CSMD3: variants seen among roughly 807,000 people sequenced by gnomAD.
CSMD3 encodes CUB and sushi domain-containing protein 3.
CSMD3 carries 177 observed loss-of-function variants against 435.2 expected under a neutral mutation model. The ratio of observed to expected loss-of-function variants is 0.41; its 90% CI spans 0.36 to 0.46. CSMD3 has a LOEUF of 0.46. Ranked by LOEUF, CSMD3 falls within the 20% of genes least tolerant of loss-of-function variation. The pLI, the probability that CSMD3 is intolerant of heterozygous loss-of-function variation, is 0.34. For missense variants in CSMD3, 4,265 were observed against 4,504.6 expected (o/e 0.95, Z 1.52); for synonymous variants, 1,656 against 1,520.5 (o/e 1.09, Z -2.07).
At chr8:113,024,152 T>C (rs2086787804) in intron 5 of CSMD3, among the ~76,000 whole-genome samples, 1 of 152,110 alleles carries the variant, frequency 6.6e-6, no homozygotes, top group Non-Finnish European at 1.5e-5. Flanking sequence ...ATTCTGAATA[T>C]GGGTGAGAAC....
intron 28 of CSMD3, among the ~76,000 whole-genome samples, chr8:112,507,636 A>C (rs1822672768): frequency 6.6e-6 from 1 of 152,214 alleles, no homozygotes; most frequent in Admixed American, 6.6e-5. Context: ...GTTTTCTGAG[A>C]TAAATATGAG....
chr8:113,128,465 T>A (rs543507832), intron 4 of CSMD3, among the ~76,000 whole-genome samples: 1 of 152,162 alleles, frequency 6.6e-6, no homozygotes, highest in East Asian at 1.9e-4. Flanking sequence ...AAAATTTGAA[T>A]GTAGAACTTT....
chr8:113,217,643 A>G (rs1174053400), intron 3 of CSMD3, among the ~76,000 whole-genome samples: 1 of 151,694 alleles, frequency 6.6e-6, no homozygotes, highest in Non-Finnish European at 1.5e-5. Context: ...AAACAAAAGA[A>G]CAGGAATCAT....
intron 32 of CSMD3, among the ~76,000 whole-genome samples, chr8:112,463,414 G>T (rs2130694891): frequency 6.6e-6 from 1 of 152,236 alleles, no homozygotes; most frequent in African/African-American, 2.4e-5. Context: ...CTACAACAAT[G>T]AATGCAATGA....
chr8:113,428,242 A>ATCTATCTATCTATCTT (rs1173264662), intron 1 of CSMD3, among the ~76,000 whole-genome samples: 10 of 150,504 alleles, frequency 6.6e-5, no homozygotes, highest in Admixed American at 6.6e-4. Context: ...CTATCTATCT[A>ATCTATCTATCTATCTT]TCTATCTATC....
At chr8:112,450,719 C>G (rs1816162709) in intron 32 of CSMD3, among the ~76,000 whole-genome samples, 1 of 152,124 alleles carries the variant, frequency 6.6e-6, no homozygotes, top group South Asian at 2.1e-4. Flanking sequence ...AGCAGACTGC[C>G]CTTCAGTTTC....
chr8:112,237,541 A>G (rs1022175995), intron 66 of CSMD3, among the ~76,000 whole-genome samples, 193 bp from the exon 67 acceptor site: 3 of 152,138 alleles, frequency 2.0e-5, no homozygotes, highest in African/African-American at 2.4e-5. Context: ...AATAATCTAG[A>G]TTTGTTCATA....
At chr8:112,332,046 C>T (rs1032321098) in intron 45 of CSMD3, among the ~76,000 whole-genome samples, 1 of 152,112 alleles carries the variant, frequency 6.6e-6, no homozygotes, top group East Asian at 1.9e-4. Flanking sequence ...ACTAACACTG[C>T]TCAAATAAAT....
intron 3 of CSMD3, among the ~76,000 whole-genome samples, chr8:113,237,152 A>G (rs1231748339): frequency 1.3e-5 from 2 of 152,224 alleles, no homozygotes; most frequent in Non-Finnish European, 2.9e-5. Context: ...GAAGTGATTA[A>G]CATGAAATAA....
At position 112,645,193 on chromosome 8, in the gene CSMD3, C is replaced by T. The variant is rs2131613011; in HGVS notation, c.3226G>A (p.Gly1076Arg). Residue 1076 changes from glycine (G) to arginine (R), a missense_variant, in exon 20 of 71, where the codon GGA becomes AGA. Gly to Arg is a moderately radical substitution (Grantham distance 125). This residue lies in a region of CSMD3 where 3,255 missense variants were observed against 3,380.2 expected (regional missense o/e 0.96). Coordinates refer to ENST00000297405, the MANE Select transcript of CSMD3 (RefSeq NM_198123.2). ...LCGGDVRGPS[G>R]TILSPGYPEF... is the part of the protein sequence containing the mutation. ...GGGTAACCAGGTGATAAGATTGTTCCACTAGGCCCTCTAACATCTCCTCCA... is the reference window on the plus strand; with the variant it reads ...GGGTAACCAGGTGATAAGATTGTTCTACTAGGCCCTCTAACATCTCCTCCA... 1.2e-6 allele frequency: 2 copies of T among 1,602,408 alleles called. No individual in the cohort carries two copies. The highest frequency in any genetic ancestry group is 8.6e-7 in the Non-Finnish European group (1 of 1,169,544).
At chr8:113,355,671 A>C (rs1162113701) in intron 1 of CSMD3, among the ~76,000 whole-genome samples, 1 of 144,106 alleles carries the variant, frequency 6.9e-6, no homozygotes, top group African/African-American at 2.6e-5. Flanking sequence ...CACAAATATA[A>C]ATATACATAT....
chr8:113,207,896 C>A (rs771978495), intron 3 of CSMD3, among the ~76,000 whole-genome samples: 2 of 152,192 alleles, frequency 1.3e-5, no homozygotes, highest in South Asian at 2.1e-4. Flanking sequence ...TAACAATATA[C>A]CTCACAACGT....
chr8:112,630,847 A>G (rs779475925), intron 22 of CSMD3, among the ~76,000 whole-genome samples: 1 of 151,998 alleles, frequency 6.6e-6, no homozygotes, highest in Non-Finnish European at 1.5e-5. Context: ...GAGGACATCC[A>G]TATGGAGAGG....
intron 10 of CSMD3, among the ~76,000 whole-genome samples, chr8:112,898,554 G>T (rs1455836034): frequency 6.6e-6 from 1 of 150,982 alleles, no homozygotes; most frequent in East Asian, 2.0e-4. Flanking sequence ...TAAAAGTAAT[G>T]CAATAACAAT....
At chr8:112,283,894 C>A (rs1431518076) in intron 58 of CSMD3, among the ~76,000 whole-genome samples, 1 of 151,602 alleles carries the variant, frequency 6.6e-6, no homozygotes, top group Admixed American at 6.6e-5. Flanking sequence ...GAAGTGAGGA[C>A]CTGAAATATT....
chr8:112,628,255 G>T (rs543287048), intron 22 of CSMD3, among the ~76,000 whole-genome samples: 2 of 152,212 alleles, frequency 1.3e-5, no homozygotes, highest in Non-Finnish European at 1.5e-5. Context: ...ATTAGGGAAA[G>T]AATTATTCCA....
intron 1 of CSMD3, among the ~76,000 whole-genome samples, chr8:113,324,341 G>T (rs898098571): frequency 6.6e-6 from 1 of 152,096 alleles, no homozygotes; most frequent in Non-Finnish European, 1.5e-5. Context: ...GGTTTCATGG[G>T]CTAGGCCTAG....
At chr8:112,301,762 A>G (rs1397030639) in intron 53 of CSMD3, 31 bp downstream of exon 53, 2 of 1,572,906 alleles carry the variant, frequency 1.3e-6, no homozygotes, top group South Asian at 1.1e-5. Flanking sequence ...GGCAGGGGGA[A>G]GTTTGACAAA....
Position 112,352,416 on chromosome 8 carries a change from C to G in CSMD3, c.6255G>C (p.Gln2085His), listed in dbSNP as rs2131062365. 1 of 1,613,230 alleles carries G rather than the reference C, an allele frequency of 6.2e-7. No homozygotes were observed. The highest frequency in any genetic ancestry group is 8.5e-7 in the Non-Finnish European group (1 of 1,179,610). Residue 2085 changes from glutamine (Q) to histidine (H), a missense_variant and splice_region_variant, in exon 39 of 71, where the codon CAG becomes CAC. Coordinates refer to ENST00000297405, the MANE Select transcript of CSMD3 (RefSeq NM_198123.2). The stretch of plus-strand genomic sequence containing the variant: ...AACCACAACTTTAAAATAGACTTAC[C>G]TGAAGAGAATATCCTTGATCACACT... ...SFQCDQGYSL[Q>H]GHSHITCMPG... is the part of the protein sequence containing the mutation.
Sources: gnomAD v4.1 joint callset for allele counts (sites outside exome capture counted in the v4.1 genomes callset) on GRCh38, gnomAD v4.1.1 for gene constraint, gnomAD v4.1.1 regional missense constraint, MANE v1.5 for transcripts, NCBI Gene and HGNC (gene_info 2026-07-23, HGNC 2026-07-21) for gene names.